Variants in POU2F3 observed in about 807,000 individuals in gnomAD.
The protein encoded by POU2F3 is POU domain, class 2, transcription factor 3.
Under a neutral mutation model 59.2 loss-of-function variants are expected in POU2F3, and 23 were observed. The ratio of observed to expected loss-of-function variants is 0.39; its 90% CI spans 0.28 to 0.55. POU2F3 has a LOEUF of 0.55. POU2F3 is among the 20% of genes least tolerant of loss of function. POU2F3 has a pLI of 0.66. For missense variants in POU2F3, 473 were observed against 544.5 expected, an observed-to-expected ratio of 0.87 and a Z score of 1.31; for synonymous variants, 190 against 214.6, an observed-to-expected ratio of 0.89 and a Z score of 1.00.
intron 3 of POU2F3, among the ~76,000 whole-genome samples, chr11:120,294,305 TG>T (rs367836777): frequency 1.3e-5 from 2 of 152,302 alleles, no homozygotes; most frequent in African/African-American, 4.8e-5. Context: ...TCAGTGGCTG[TG>T]GCAGGGCAGA....
chr11:120,241,130 T>C (rs1443821016), intron 1 of POU2F3, among the ~76,000 whole-genome samples: 3 of 152,196 alleles, frequency 2.0e-5, no homozygotes, highest in South Asian at 2.1e-4. Context: ...AGGTTGGGCT[T>C]GGCTTGGGGC....
chr11:120,309,770 G>A (rs717052), intron 10 of POU2F3, among the ~76,000 whole-genome samples, 184 bp downstream of exon 10: 23,592 of 152,214 alleles, frequency 0.15, 1,922 homozygotes, highest in South Asian at 0.24. Context: ...TACTCTTTCA[G>A]TAGAGAGGTC....
At chr11:120,260,748 G>A (rs1939559601) in intron 2 of POU2F3, among the ~76,000 whole-genome samples, 2 of 152,064 alleles carry the variant, frequency 1.3e-5, no homozygotes, top group East Asian at 1.9e-4. Context: ...TTGGGTCTTC[G>A]ATGAGTCCTC....
chr11:120,315,249 G>A, intron 10 of POU2F3, 112 bp from the exon 11 acceptor site: 1 of 993,612 alleles, frequency 1.0e-6, no homozygotes, highest in Non-Finnish European at 1.6e-6. Flanking sequence ...AAATCACCAA[G>A]GAAGCCAAGC....
chr11:120,255,355 C>T (rs957001672), intron 2 of POU2F3, among the ~76,000 whole-genome samples: 1 of 152,004 alleles, frequency 6.6e-6, no homozygotes, highest in Non-Finnish European at 1.5e-5. Flanking sequence ...AACGAAAAAT[C>T]GAAGCCGGGG....
In POU2F3 at chr11:120,255,757, G is replaced by A. The variant is rs571505084; in HGVS notation, c.97+9240G>A. Among the ~76,000 whole-genome samples the A allele has an allele frequency of 8.1e-4, 123 of 152,162 alleles. 1 individual carries two copies. Among genetic ancestry groups the A allele is most frequent in the African/African-American group, 2.8e-3 (117 of 41,506 alleles). On this transcript the variant is annotated intron_variant, in intron 2 of 12. Coordinates refer to ENST00000543440, the MANE Select transcript of POU2F3 (RefSeq NM_014352.4). ...TCTGCCTCACAGGAGAGCCGGCTGG[G>A]TCTCCGTCCCTTCCTGCACCTGGGC... is the stretch of plus-strand genomic sequence containing the variant.
At chr11:120,300,831 G>C in intron 5 of POU2F3, 1 of 324,784 alleles carries the variant, frequency 3.1e-6, no homozygotes, top group South Asian at 2.6e-5. Flanking sequence ...TAGAGGTTTT[G>C]GAAATCCAGA....
intron 11 of POU2F3, among the ~76,000 whole-genome samples, chr11:120,317,003 C>G (rs1327436484): frequency 1.3e-5 from 2 of 152,204 alleles, no homozygotes; most frequent in African/African-American, 4.8e-5. Flanking sequence ...AGCCACACCA[C>G]TCTCCAGGGC....
intron 2 of POU2F3, among the ~76,000 whole-genome samples, chr11:120,260,962 A>C (rs1207313745): frequency 6.6e-6 from 1 of 152,060 alleles, no homozygotes; most frequent in Non-Finnish European, 1.5e-5. Flanking sequence ...CCTACTGGAA[A>C]GGCTGAGGTG....
intron 3 of POU2F3, among the ~76,000 whole-genome samples, chr11:120,272,702 C>T (rs1040061201): frequency 1.3e-5 from 2 of 152,114 alleles, no homozygotes; most frequent in African/African-American, 2.4e-5. Flanking sequence ...CTTCCTGGTC[C>T]CAGGAAGGCA....
chr11:120,272,922 A>G (rs1940139841), intron 3 of POU2F3, among the ~76,000 whole-genome samples: 1 of 152,138 alleles, frequency 6.6e-6, no homozygotes, highest in Non-Finnish European at 1.5e-5. Context: ...CTGTTTCCTG[A>G]CAAATAAACT....
intron 7 of POU2F3, 36 bp downstream of exon 7, chr11:120,305,248 C>G: frequency 6.3e-7 from 1 of 1,598,982 alleles, no homozygotes; most frequent in African/African-American, 1.3e-5. Context: ...AGAAGTCTAG[C>G]CGAGCGGCTG....
chr11:120,304,864 T>C (rs536149915), intron 6 of POU2F3, among the ~76,000 whole-genome samples, 166 bp from the exon 7 acceptor site: 5 of 134,524 alleles, frequency 3.7e-5, no homozygotes, highest in African/African-American at 1.4e-4. Flanking sequence ...TCCACTTCCA[T>C]GCCACTGGAA....
intron 2 of POU2F3, among the ~76,000 whole-genome samples, chr11:120,251,317 C>T (rs982058053): frequency 8.3e-4 from 127 of 152,302 alleles, no homozygotes; most frequent in African/African-American, 2.8e-3. Context: ...CCTGTGCGTG[C>T]GCACACACAC....
At position 120,318,378 on chromosome 11, in the gene POU2F3, A is replaced by T; in HGVS notation, c.1297A>T (p.Thr433Ser). The change falls in exon 13 of 13, where the codon ACC (threonine) becomes TCC (serine). Residue 433 changes from threonine to serine, a missense_variant. Physicochemically the swap from Thr to Ser is moderately conservative, Grantham distance 58. Coordinates refer to ENST00000543440, the MANE Select transcript of POU2F3 (RefSeq NM_014352.4). Reference protein sequence around the residue: ...SGSWYRWNHSTYLH With the variant: ...SGSWYRWNHSSYLH ...ATCTTGGTACCGATGGAATCATTCC[A>T]CCTACCTCCACTGAGACCAAAAAGT... 2 of 1,605,470 alleles carry T rather than the reference A, an allele frequency of 1.2e-6. No individual in the cohort carries two copies. The highest frequency in any genetic ancestry group is 1.7e-6 in the Non-Finnish European group (2 of 1,172,164).
At chr11:120,245,717 G>A (rs933493608) in intron 1 of POU2F3, among the ~76,000 whole-genome samples, 1 of 152,212 alleles carries the variant, frequency 6.6e-6, no homozygotes, top group African/African-American at 2.4e-5. Context: ...AGAGAGGCTG[G>A]ACCAGCAGGA....
In POU2F3 at chr11:120,299,479, C is replaced by G. The variant is rs1941282914; in HGVS notation, c.259-145C>G. 21 of 620,666 alleles carry G rather than the reference C, an allele frequency of 3.4e-5. 1 individual carries two copies. The South Asian group carries it at 4.0e-4, about 12-fold the overall frequency. The allele number at this position is 620,666 out of a possible 1,614,324, so 38.4% of individuals were successfully genotyped here. A position where few individuals can be genotyped will look rare whatever the true frequency, so the allele number is the denominator to read the frequency against. On this transcript the variant is annotated intron_variant, in intron 4 of 12. Coordinates refer to ENST00000543440, the MANE Select transcript of POU2F3 (RefSeq NM_014352.4). ...CGGAGTAGCTACTATTTGCTAGACA[C>G]TGGGGATACACAGTGGCATAAACCA...
chr11:120,298,451 C>A (rs576433764), intron 4 of POU2F3, 61 bp downstream of exon 4: 2 of 1,596,422 alleles, frequency 1.3e-6, no homozygotes, highest in Non-Finnish European at 1.7e-6. Context: ...GTGAAATGCT[C>A]GACTTCCATG....
intron 10 of POU2F3, 73 bp downstream of exon 10, chr11:120,309,659 G>T: frequency 2.0e-6 from 3 of 1,527,256 alleles, no homozygotes; most frequent in Admixed American, 3.4e-5. Flanking sequence ...GGTGGTGGCT[G>T]CAGGGAAGAG....
Sources: allele counts gnomAD v4.1 joint callset (sites outside exome capture counted in the v4.1 genomes callset), GRCh38; gene constraint gnomAD v4.1.1; transcripts MANE v1.5; gene names NCBI Gene and HGNC (gene_info 2026-07-23, HGNC 2026-07-21).